Variants in RANBP2 observed in about 807,000 individuals in gnomAD.
RANBP2 encodes RAN binding protein 2.
A neutral mutation model predicts 303.6 loss-of-function variants in RANBP2; 57 were observed. The ratio of observed to expected loss-of-function variants is 0.19; its 90% CI spans 0.15 to 0.23. The LOEUF is 0.23. RANBP2 is among the 10% of genes least tolerant of loss of function. The probability of loss-of-function intolerance (pLI) is 1.00; values close to 1 mark genes in which losing one functional copy is unlikely to be tolerated. For missense variants in RANBP2, 3,138 were observed against 3,780.8 expected, an observed-to-expected ratio of 0.83 and a Z score of 4.46; for synonymous variants, 1,167 against 1,301.5, an observed-to-expected ratio of 0.90 and a Z score of 2.23.
chr2:109,375,906 G>A, the RANBP2 span, among the ~76,000 whole-genome samples: 15 of 152,222 alleles, frequency 9.9e-5, no homozygotes, highest in Non-Finnish European at 1.8e-4. Flanking sequence ...AGACCTGGCT[G>A]GGCCCAGCTT....
At chr2:109,414,077 C>T in the RANBP2 span, among the ~76,000 whole-genome samples, 10 of 152,202 alleles carry the variant, frequency 6.6e-5, no homozygotes, top group Admixed American at 2.0e-4. Context: ...CTATGGGTCT[C>T]CTTCTGTTTA....
the RANBP2 span, among the ~76,000 whole-genome samples, chr2:109,713,168 G>C: frequency 6.6e-6 from 1 of 152,150 alleles, no homozygotes; most frequent in African/African-American, 2.4e-5. Context: ...TCCAGAGCAG[G>C]GTTCCTGGAA....
the RANBP2 span, among the ~76,000 whole-genome samples, chr2:109,096,085 G>A: frequency 2.0e-5 from 3 of 152,208 alleles, no homozygotes; most frequent in East Asian, 5.8e-4. Flanking sequence ...GACTTACGGT[G>A]ATGTGAGATT....
chr2:108,779,460 C>T (rs1183811448), intron 25 of RANBP2, among the ~76,000 whole-genome samples: 11 of 152,204 alleles, frequency 7.2e-5, no homozygotes, highest in South Asian at 2.1e-4. Flanking sequence ...CCACCACACC[C>T]GGCCCTCTCT....
intron 23 of RANBP2, 112 bp downstream of exon 23, chr2:108,773,158 C>A: frequency 1.6e-6 from 2 of 1,213,810 alleles, no homozygotes; most frequent in Non-Finnish European, 2.4e-6. Flanking sequence ...ACTCTTGTTG[C>A]CCAGGCTGGA....
the RANBP2 span, among the ~76,000 whole-genome samples, chr2:109,624,363 C>T: frequency 3.9e-5 from 6 of 152,302 alleles, no homozygotes; most frequent in African/African-American, 1.2e-4. Context: ...AAGAATCAAC[C>T]GCTTTTACTA....
At chr2:109,034,349 AACT>A in the RANBP2 span, among the ~76,000 whole-genome samples, 1 of 152,226 alleles carries the variant, frequency 6.6e-6, no homozygotes, top group Non-Finnish European at 1.5e-5. Flanking sequence ...TTATCCAAAA[AACT>A]ATTTATGGGA....
the RANBP2 span, among the ~76,000 whole-genome samples, chr2:109,096,884 C>G: frequency 1.3e-5 from 2 of 151,602 alleles, no homozygotes; most frequent in Admixed American, 1.3e-4. Context: ...TCTTGTGGCC[C>G]CCATCCAGAA....
the RANBP2 span, among the ~76,000 whole-genome samples, chr2:109,466,360 C>T: frequency 3.9e-5 from 6 of 152,092 alleles, no homozygotes; most frequent in Middle Eastern, 3.2e-3. Flanking sequence ...GGATTATAGG[C>T]GTGAGTCCTG....
chr2:109,491,625 G>A, the RANBP2 span, among the ~76,000 whole-genome samples: 37 of 152,246 alleles, frequency 2.4e-4, no homozygotes, highest in African/African-American at 8.4e-4. Flanking sequence ...GGCTAGAGGC[G>A]TACCTGGCTT....
chr2:109,592,930 T>A, the RANBP2 span: 17 of 514,794 alleles, frequency 3.3e-5, no homozygotes, highest in Admixed American at 1.2e-4. Context: ...TTAATTCACG[T>A]TGGAGGTAAG....
intron 6 of RANBP2, among the ~76,000 whole-genome samples, chr2:108,736,718 C>CT (rs1304220143): frequency 1.3e-5 from 2 of 151,974 alleles, no homozygotes; most frequent in Non-Finnish European, 2.9e-5. Flanking sequence ...TGTGATTTAC[C>CT]TTTTTTCCTA....
At chr2:109,325,618 T>C in the RANBP2 span, among the ~76,000 whole-genome samples, 2 of 152,138 alleles carry the variant, frequency 1.3e-5, no homozygotes, top group Admixed American at 1.3e-4. Context: ...CAGAACTCAC[T>C]CACCACTTCC....
At chr2:108,790,819 G>T in the RANBP2 span, among the ~76,000 whole-genome samples, 6 of 152,268 alleles carry the variant, frequency 3.9e-5, no homozygotes, top group African/African-American at 1.2e-4. Context: ...TAGCATAATT[G>T]TAACTCACTG....
At chr2:108,774,941 C>G (rs1206867167) in intron 23 of RANBP2, among the ~76,000 whole-genome samples, 1 of 152,128 alleles carries the variant, frequency 6.6e-6, no homozygotes. Flanking sequence ...TTCCTCCTGA[C>G]TTGGCCTCCC....
the RANBP2 span, among the ~76,000 whole-genome samples, chr2:109,317,664 A>G: frequency 2.0e-5 from 3 of 152,190 alleles, no homozygotes; most frequent in Non-Finnish European, 4.4e-5. Context: ...AAATGACTTC[A>G]GGTACATAAA....
At chr2:109,642,402 T>C in the RANBP2 span, among the ~76,000 whole-genome samples, 16 of 152,316 alleles carry the variant, frequency 1.1e-4, no homozygotes, top group South Asian at 8.3e-4. Flanking sequence ...ACAAAGTTCT[T>C]GGTCTCAGTA....
At chr2:109,094,309 T>G in the RANBP2 span, among the ~76,000 whole-genome samples, 1 of 152,206 alleles carries the variant, frequency 6.6e-6, no homozygotes, top group East Asian at 1.9e-4. Context: ...ATTTCCCTCC[T>G]TTTTGGGGAT....
chr2:109,347,559 A>G, the RANBP2 span: 2 of 1,385,060 alleles, frequency 1.4e-6, no homozygotes, highest in East Asian at 2.5e-5. Context: ...GGCACTCTGT[A>G]TGCACCCCCA....
Sources: allele counts gnomAD v4.1 joint callset (sites outside exome capture counted in the v4.1 genomes callset), GRCh38; gene constraint gnomAD v4.1.1; transcripts MANE v1.5; gene names NCBI Gene and HGNC (gene_info 2026-07-23, HGNC 2026-07-21).